Variants in ZFP3 observed in about 807,000 individuals in gnomAD.
ZFP3 encodes the protein ZFP3 zinc finger protein.
In ZFP3, 18 loss-of-function variants were observed where a neutral mutation model predicts 36.7. The observed-to-expected ratio is 0.49, with a 90% CI of 0.34 to 0.73. The LOEUF is 0.73. Among genes scored for constraint, ZFP3 ranks in the 30% least tolerant of loss-of-function variants. The pLI, the probability that ZFP3 is intolerant of heterozygous loss-of-function variation, is 0.01. For missense variants in ZFP3, 495 were observed against 599.0 expected, an observed-to-expected ratio of 0.83 and a Z score of 1.81; for synonymous variants, 218 against 199.0, an observed-to-expected ratio of 1.10 and a Z score of -0.81.
In ZFP3 at chr17:5,094,119, A is replaced by C. The variant is rs994581491; in HGVS notation, c.*1106A>C. The C allele has an allele frequency of 6.0e-6, 1 of 167,170 alleles. No individual in the cohort carries two copies. The highest frequency in any genetic ancestry group is 1.5e-5 in the Non-Finnish European group (1 of 68,158). 10.4% of individuals were successfully genotyped at this position (167,170 alleles called of 1,614,324 possible). ...GGGTCTGGCCTTGCCAAAGCACTTA[A>C]GTTCTCATGACCTGGACCGCACTGG... is the stretch of plus-strand genomic sequence containing the variant. On this transcript the variant is annotated 3_prime_UTR_variant, in exon 2 of 2. Coordinates refer to ENST00000318833, the MANE Select transcript of ZFP3 (RefSeq NM_153018.3).
chr17:5,088,138 A>G (rs1177344464), intron 1 of ZFP3, among the ~76,000 whole-genome samples: 1 of 152,136 alleles, frequency 6.6e-6, no homozygotes, highest in African/African-American at 2.4e-5. Context: ...CTCTCTGTGG[A>G]TACCTTGAAA....
In ZFP3 at chr17:5,078,887, T is replaced by C. The variant is rs2072079414; in HGVS notation, c.-9+312T>C. On this transcript the variant is annotated intron_variant, in intron 1 of 1. Transcript: ENST00000318833. The surrounding 1 kb of genome is among the most constrained non-coding windows in gnomAD (Gnocchi z 4.5). ...GGGACCCGTGGGAGCTGTGGTTTTC[T>C]CAGACATTCCACCCCCAAGTAAACC... Among the ~76,000 whole-genome samples the C allele has an allele frequency of 6.6e-6, 1 of 152,136 alleles. No homozygotes were observed. The highest frequency in any genetic ancestry group is 1.5e-5 in the Non-Finnish European group (1 of 68,022).
chr17:5,086,724 C>CCTTTT (rs2072123044), intron 1 of ZFP3, among the ~76,000 whole-genome samples: 2 of 110,658 alleles, frequency 1.8e-5, no homozygotes, highest in African/African-American at 7.4e-5. Flanking sequence ...CATTTTCTTT[C>CCTTTT]TTTTTTTTTT....
At chr17:5,085,870 G>A (rs557236843) in intron 1 of ZFP3, among the ~76,000 whole-genome samples, 1 of 152,212 alleles carries the variant, frequency 6.6e-6, no homozygotes, top group African/African-American at 2.4e-5. Flanking sequence ...AAAAGGAAAG[G>A]CCAGAGAGGG....
rs1356195142 is a variant in ZFP3, at chr17:5,094,770, C to G, written c.*1757C>G. 1 of 167,022 alleles carries G rather than the reference C, an allele frequency of 6.0e-6. No individual in the cohort carries two copies. Among genetic ancestry groups the G allele is most frequent in the Non-Finnish European group, 1.5e-5 (1 of 68,108 alleles). The allele number at this position is 167,022 out of a possible 1,614,324, so 10.3% of individuals were successfully genotyped here. On this transcript the variant is annotated 3_prime_UTR_variant, in exon 2 of 2. Transcript: ENST00000318833. The stretch of plus-strand genomic sequence containing the variant: ...TTACATTTTAATTTTCACATCATTT[C>G]TATGATGTGGGTACTCATTTTTTTA...
chr17:5,095,924 GA>G lies in ZFP3; in HGVS notation c.*2915del, dbSNP rs2072178973. On this transcript the variant is annotated 3_prime_UTR_variant, in exon 2 of 2. Coordinates refer to ENST00000318833, the MANE Select transcript of ZFP3 (RefSeq NM_153018.3). ...GGGGAGGTCTCACGTCTCATTCCCA[GA>G]AAAGTCTACCATATATAGATACATA... The G allele has an allele frequency of 6.0e-6, 1 of 166,548 alleles. No individual in the cohort carries two copies. Among genetic ancestry groups the G allele is most frequent in the African/African-American group, 2.4e-5 (1 of 41,106 alleles). The allele number at this position is 166,548 out of a possible 1,614,324, so 10.3% of individuals were successfully genotyped here.
At chr17:5,086,248 A>AG (rs2143525212) in intron 1 of ZFP3, among the ~76,000 whole-genome samples, 1 of 152,152 alleles carries the variant, frequency 6.6e-6, no homozygotes, top group South Asian at 2.1e-4. Flanking sequence ...GTGTCTGGGG[A>AG]GGGGGGCATT....
intron 1 of ZFP3, among the ~76,000 whole-genome samples, chr17:5,085,193 C>A (rs2143523886): frequency 6.6e-6 from 1 of 152,128 alleles, no homozygotes; most frequent in East Asian, 1.9e-4. Flanking sequence ...GTGCACACCA[C>A]CATGCCTGGC....
Position 5,093,244 on chromosome 17 carries a change from C to A in ZFP3, c.*231C>A. On this transcript the variant is annotated 3_prime_UTR_variant, in exon 2 of 2. Coordinates refer to ENST00000318833, the MANE Select transcript of ZFP3 (RefSeq NM_153018.3). Reference sequence around the variant, plus strand: ...CCAGGATGGGATGCAGTGGCACAGTCGTAACTCACTGCTTCCTTGAACTCC... The same window carrying A: ...CCAGGATGGGATGCAGTGGCACAGTAGTAACTCACTGCTTCCTTGAACTCC... The A allele has an allele frequency of 2.2e-6, 1 of 445,892 alleles. No homozygotes were observed. The highest frequency in any genetic ancestry group is 4.0e-6 in the Non-Finnish European group (1 of 247,940). 27.6% of individuals were successfully genotyped at this position (445,892 alleles called of 1,614,324 possible). A position where few individuals can be genotyped will look rare whatever the true frequency, so the allele number is the denominator to read the frequency against.
chr17:5,092,130 G>A lies in ZFP3; in HGVS notation c.626G>A (p.Ser209Asn), dbSNP rs2072153460. 6.2e-7 allele frequency: 1 copy of A among 1,614,142 alleles called. No individual in the cohort carries two copies. The highest frequency in any genetic ancestry group is 8.5e-7 in the Non-Finnish European group (1 of 1,180,014). The part of the protein sequence containing the change: ...CNECGKAFIQ[S>N]SHLIHHHRIH... ...GAATGTGGAAAGGCCTTCATTCAGA[G>A]TTCACACCTTATTCACCATCATAGA... Residue 209 changes from serine (S) to asparagine (N), a missense_variant, in exon 2 of 2, where the codon AGT becomes AAT. Physicochemically the swap from Ser to Asn is conservative, Grantham distance 46 (BLOSUM62 1). Transcript: ENST00000318833. This position sits in a 1 kb window ranked among gnomAD's most constrained non-coding sequence, Gnocchi z 5.0.
In ZFP3 at chr17:5,092,431, T is replaced by C; in HGVS notation, c.927T>C (p.Tyr309=). Residue 309 remains tyrosine, a synonymous_variant, in exon 2 of 2, where the codon TAT becomes TAC. Transcript: ENST00000318833. This position sits in a 1 kb window ranked among gnomAD's most constrained non-coding sequence, Gnocchi z 5.0. ...AAATTCATACTGGAGAAAAACCATATCTGTGTAATGAATGTGGGAAGGGCT... is the reference window on the plus strand; with the variant it reads ...AAATTCATACTGGAGAAAAACCATACCTGTGTAATGAATGTGGGAAGGGCT... The part of the protein sequence containing the change: ...HQKIHTGEKP[Y]LCNECGKGFG... 6 of 1,614,190 alleles carry C rather than the reference T, an allele frequency of 3.7e-6. 1 individual carries two copies. The highest frequency in any genetic ancestry group is 2.5e-6 in the Non-Finnish European group (3 of 1,180,038).
intron 1 of ZFP3, among the ~76,000 whole-genome samples, chr17:5,079,251 G>A (rs904995673): frequency 6.6e-6 from 1 of 152,228 alleles, no homozygotes; most frequent in South Asian, 2.1e-4. Flanking sequence ...GCTGGGTGCA[G>A]TGGCTCATGC....
At chr17:5,079,271 C>T (rs2072081263) in intron 1 of ZFP3, among the ~76,000 whole-genome samples, 1 of 152,158 alleles carries the variant, frequency 6.6e-6, no homozygotes, top group African/African-American at 2.4e-5. Context: ...CCTGTAATCC[C>T]AGCATTTTGG....
intron 1 of ZFP3, among the ~76,000 whole-genome samples, chr17:5,087,985 A>C (rs1472048165): frequency 6.6e-6 from 1 of 152,102 alleles, no homozygotes; most frequent in Non-Finnish European, 1.5e-5. Context: ...AGCACTCGTG[A>C]CTGTTTCTTT....
rs748656816 is a variant in ZFP3, at chr17:5,092,896, TATC to T, written c.1395_1397del (p.Ile466del). The T allele has an allele frequency of 2.5e-6, 4 of 1,614,090 alleles. No individual in the cohort carries two copies. The highest frequency in any genetic ancestry group is 2.2e-5 in the East Asian group (1 of 44,904). On this transcript the variant is annotated inframe_deletion, in exon 2 of 2. Coordinates refer to ENST00000318833, the MANE Select transcript of ZFP3 (RefSeq NM_153018.3). The surrounding 1 kb of genome is among the most constrained non-coding windows in gnomAD (Gnocchi z 5.0). ...AAACATTTAGCCAGCATTCCCAACT[TATC>T]ATACATCAGAGAATTCACACTGGAG...
In ZFP3 at chr17:5,096,188, A is replaced by G. The variant is rs1227591303; in HGVS notation, c.*3175A>G. Reference sequence around the variant, plus strand: ...AAATACTATCAAGGAAAGGACATGAATTGTCTTAATTTTAGACCCATTAAA... The same window carrying G: ...AAATACTATCAAGGAAAGGACATGAGTTGTCTTAATTTTAGACCCATTAAA... On this transcript the variant is annotated 3_prime_UTR_variant, in exon 2 of 2. Coordinates refer to ENST00000318833, the MANE Select transcript of ZFP3 (RefSeq NM_153018.3). 1 of 167,050 alleles carries G rather than the reference A, an allele frequency of 6.0e-6. No homozygotes were observed. Among genetic ancestry groups the G allele is most frequent in the Non-Finnish European group, 1.5e-5 (1 of 68,114 alleles). The allele number at this position is 167,050 out of a possible 1,614,324, so 10.3% of individuals were successfully genotyped here. A position where few individuals can be genotyped will look rare whatever the true frequency, so the allele number is the denominator to read the frequency against.
In ZFP3 at chr17:5,084,517, C is replaced by T. The variant is rs563248506; in HGVS notation, c.-9+5942C>T. Among the ~76,000 whole-genome samples the T allele has an allele frequency of 3.3e-3, 475 of 143,386 alleles. 1 individual carries two copies. Among genetic ancestry groups the T allele is most frequent in the Middle Eastern group, 3.8e-3 (1 of 260 alleles). 94.1% of individuals were successfully genotyped at this position (143,386 alleles called of 152,430 possible). A position where few individuals can be genotyped will look rare whatever the true frequency, so the allele number is the denominator to read the frequency against. On this transcript the variant is annotated intron_variant, in intron 1 of 1. Coordinates refer to ENST00000318833, the MANE Select transcript of ZFP3 (RefSeq NM_153018.3). ...GTCTCGATCTCCTGACCTCGTGATCCGCCCGCCTCGGCCTCCCAAAGTGCT... is the reference window on the plus strand; with the variant it reads ...GTCTCGATCTCCTGACCTCGTGATCTGCCCGCCTCGGCCTCCCAAAGTGCT...
chr17:5,090,069 G>A (rs774966841), intron 1 of ZFP3, among the ~76,000 whole-genome samples: 1 of 152,154 alleles, frequency 6.6e-6, no homozygotes, highest in East Asian at 1.9e-4. Flanking sequence ...ATAAGTAATA[G>A]CCAGTTACAA....
At chr17:5,084,715 A>G (rs1733835501) in intron 1 of ZFP3, among the ~76,000 whole-genome samples, 1 of 152,208 alleles carries the variant, frequency 6.6e-6, no homozygotes, top group African/African-American at 2.4e-5. Context: ...CCAGTGGTCA[A>G]CCTCTACTCT....
Sources: allele counts gnomAD v4.1 joint callset (sites outside exome capture counted in the v4.1 genomes callset), GRCh38; gene constraint gnomAD v4.1.1; non-coding constraint Gnocchi (gnomAD v3.1); transcripts MANE v1.5; gene names NCBI Gene and HGNC (gene_info 2026-07-23, HGNC 2026-07-21).